Variants in ABCD3 observed in about 807,000 individuals in gnomAD.
ABCD3 encodes the protein ATP-binding cassette sub-family D member 3.
ABCD3 carries 41 observed loss-of-function variants against 105.5 expected under a neutral mutation model. That is an observed-to-expected ratio of 0.39 (90% CI 0.30 to 0.50). ABCD3 has a LOEUF of 0.50. ABCD3 is among the 20% of genes least tolerant of loss of function. The pLI, the probability that ABCD3 is intolerant of heterozygous loss-of-function variation, is 0.84. For synonymous variants in ABCD3, 258 were observed against 269.0 expected (o/e 0.96, Z 0.40); for missense variants, 622 against 806.3 (o/e 0.77, Z 2.77).
chr1:94,449,213 G>C (rs1380092681), intron 1 of ABCD3, among the ~76,000 whole-genome samples: 2 of 152,138 alleles, frequency 1.3e-5, no homozygotes, highest in Non-Finnish European at 2.9e-5. Context: ...GGATCCCGAG[G>C]ACCCCGTAGT....
At chr1:94,392,160 C>T in the ABCD3 span, among the ~76,000 whole-genome samples, 1 of 152,218 alleles carries the variant, frequency 6.6e-6, no homozygotes, top group Non-Finnish European at 1.5e-5. Context: ...TCCTCTGAAG[C>T]ATATGATAGA....
rs143627923 is a variant in ABCD3, at chr1:94,424,087, G to A, written c.110+5499G>A. ...AAGAGATGCTTAAGCAACCTTGGAT[G>A]GAAAAAAAAGCATTGAAGAATTTGC... On this transcript the variant is annotated intron_variant, in intron 1 of 22. Transcript: ENST00000370214. Among the ~76,000 whole-genome samples, 523 of 152,140 alleles carry A rather than the reference G, an allele frequency of 3.4e-3. 1 individual carries two copies. Among genetic ancestry groups the A allele is most frequent in the African/African-American group, 0.012 (484 of 41,522 alleles).
At chr1:94,445,980 G>A (rs1660330388) in intron 1 of ABCD3, among the ~76,000 whole-genome samples, 1 of 152,100 alleles carries the variant, frequency 6.6e-6, no homozygotes, top group Admixed American at 6.5e-5. Context: ...ACTGAGAGTG[G>A]GTAAAGGAAA....
chr1:94,452,107 G>A (rs556092333), intron 1 of ABCD3, among the ~76,000 whole-genome samples: 2 of 152,266 alleles, frequency 1.3e-5, no homozygotes, highest in Admixed American at 1.3e-4. Context: ...GGGTCACCAT[G>A]TAATTTATTA....
At chr1:94,515,697 G>A (rs582798) in intron 22 of ABCD3, among the ~76,000 whole-genome samples, 13,278 of 151,902 alleles carry the variant, frequency 0.087, 680 homozygotes, top group African/African-American at 0.13. Flanking sequence ...ATTGGTGCAC[G>A]TGTATTACTT....
rs1647604469 is a variant in ABCD3 at position 94,456,965 on chromosome 1, A to G, written c.111-1642A>G. Reference sequence around the variant, plus strand: ...TCCTAAGAAGTATGAGTATTATCCCATTGTGGTTTTGATTTGCATTTTTCT... The same window carrying G: ...TCCTAAGAAGTATGAGTATTATCCCGTTGTGGTTTTGATTTGCATTTTTCT... On this transcript the variant is annotated intron_variant, in intron 1 of 22. Transcript: ENST00000370214. Among the ~76,000 whole-genome samples the G allele has an allele frequency of 1.3e-5, 2 of 152,082 alleles. 1 individual carries two copies.
At chr1:94,515,108 T>A in intron 21 of ABCD3, 38 bp from the exon 22 acceptor site, 1 of 1,493,708 alleles carries the variant, frequency 6.7e-7, no homozygotes, top group Non-Finnish European at 9.3e-7. Flanking sequence ...TTTGTGACTC[T>A]GTTACTCATT....
the ABCD3 span, among the ~76,000 whole-genome samples, chr1:94,388,994 C>A: frequency 6.6e-6 from 1 of 152,106 alleles, no homozygotes; most frequent in Non-Finnish European, 1.5e-5. Flanking sequence ...TGGCTTCCAA[C>A]CATATTGGGC....
chr1:94,501,603 G>T (rs72968342), intron 20 of ABCD3, among the ~76,000 whole-genome samples: 2,213 of 152,306 alleles, frequency 0.015, 53 homozygotes, highest in African/African-American at 0.051. Flanking sequence ...AGACCTAAAA[G>T]GCCTAGCCAC....
At chr1:94,448,692 T>A (rs1358740571) in intron 1 of ABCD3, among the ~76,000 whole-genome samples, 1 of 152,236 alleles carries the variant, frequency 6.6e-6, no homozygotes, top group African/African-American at 2.4e-5. Flanking sequence ...CCTTTTGCAG[T>A]GTTTTGCGGT....
chr1:94,468,861 T>G (rs904221419), intron 4 of ABCD3, among the ~76,000 whole-genome samples: 2 of 145,274 alleles, frequency 1.4e-5, no homozygotes, highest in Admixed American at 7.2e-5. Context: ...CTGACTCATT[T>G]CTCTAGGACA....
At chr1:94,462,912 C>T (rs1647948180) in intron 2 of ABCD3, among the ~76,000 whole-genome samples, 1 of 152,118 alleles carries the variant, frequency 6.6e-6, no homozygotes. Context: ...ATCACCTTTT[C>T]TTTACTCTTT....
At chr1:94,489,650 C>A in intron 13 of ABCD3, 75 bp from the exon 14 acceptor site, 1 of 1,028,906 alleles carries the variant, frequency 9.7e-7, no homozygotes, top group Non-Finnish European at 1.5e-6. Flanking sequence ...ATTTTAGGAA[C>A]TTCAGTTTGT....
chr1:94,386,259 T>C, the ABCD3 span, among the ~76,000 whole-genome samples: 1 of 152,232 alleles, frequency 6.6e-6, no homozygotes, highest in Non-Finnish European at 1.5e-5. Context: ...TTGAAGGCCA[T>C]GATGAGCAAC....
the ABCD3 span, among the ~76,000 whole-genome samples, chr1:94,386,304 G>T: frequency 6.6e-6 from 1 of 152,170 alleles, no homozygotes; most frequent in Non-Finnish European, 1.5e-5. Flanking sequence ...TATTAATTCA[G>T]GGCTTCCTAA....
chr1:94,431,871 A>C (rs1454607375), intron 1 of ABCD3, among the ~76,000 whole-genome samples: 1 of 152,192 alleles, frequency 6.6e-6, no homozygotes, highest in Non-Finnish European at 1.5e-5. Flanking sequence ...AGATATTTTC[A>C]ACTGTAGGAC....
At chr1:94,481,046 T>C (rs1419748326) in intron 9 of ABCD3, among the ~76,000 whole-genome samples, 2 of 152,314 alleles carry the variant, frequency 1.3e-5, no homozygotes, top group East Asian at 3.9e-4. Flanking sequence ...GAAGAAAAAG[T>C]GTGGACTTTG....
At chr1:94,385,512 A>C in the ABCD3 span, among the ~76,000 whole-genome samples, 178 of 152,254 alleles carry the variant, frequency 1.2e-3, 1 homozygote, top group East Asian at 0.034. Context: ...AGCACTTACC[A>C]CCTGACCAGG....
chr1:94,459,118 C>T (rs1647741118), intron 2 of ABCD3, among the ~76,000 whole-genome samples: 1 of 151,566 alleles, frequency 6.6e-6, no homozygotes, highest in African/African-American at 2.4e-5. Flanking sequence ...ATGATCATAG[C>T]TCACTGTAAC....
Sources: gnomAD v4.1 joint callset for allele counts (sites outside exome capture counted in the v4.1 genomes callset) on GRCh38, gnomAD v4.1.1 for gene constraint, MANE v1.5 for transcripts, NCBI Gene and HGNC (gene_info 2026-07-23, HGNC 2026-07-21) for gene names.